Variants in MED23 observed in about 807,000 individuals in gnomAD.
MED23 encodes the protein mediator of RNA polymerase II transcription subunit 23.
In MED23, 105 loss-of-function variants were observed where a neutral mutation model predicts 163.9. That is an observed-to-expected ratio of 0.64 (90% CI 0.55 to 0.75). The LOEUF is 0.75. MED23 is among the 30% of genes least tolerant of loss of function. The pLI is 0.00. For synonymous variants in MED23, 561 were observed against 565.6 expected, an observed-to-expected ratio of 0.99 and a Z score of 0.12; for missense variants, 1,054 against 1,649.0, an observed-to-expected ratio of 0.64 and a Z score of 6.25.
intron 10 of MED23, among the ~76,000 whole-genome samples, chr6:131,612,250 A>G (rs1297339505): frequency 1.3e-5 from 2 of 151,996 alleles, no homozygotes; most frequent in Non-Finnish European, 2.9e-5. Context: ...GACAGCTTAA[A>G]TATGTTGCTT....
intron 5 of MED23, among the ~76,000 whole-genome samples, chr6:131,622,812 C>T (rs550134344): frequency 7.2e-5 from 11 of 152,164 alleles, no homozygotes; most frequent in Admixed American, 3.9e-4. Context: ...TGGTAATTCC[C>T]GGGAAAAGGA....
At position 131,625,979 on chromosome 6, in the gene MED23, G is replaced by C. The variant is rs112951374; in HGVS notation, c.160-990C>G. Among the ~76,000 whole-genome samples the C allele has an allele frequency of 4.0e-5, 6 of 151,694 alleles. No individual in the cohort carries two copies. The East Asian group carries it at 1.2e-3, about 30-fold the overall frequency. ...CTACTAAAAATACAAAAAATGAGCC[G>C]GGCGTGATAGCAGGTGCCTGTAGTC... is the stretch of plus-strand genomic sequence containing the variant. On this transcript the variant is annotated intron_variant, in intron 3 of 28. Transcript: ENST00000368068.
At chr6:131,586,495 G>A (rs1288115948), downstream of MED23, among the ~76,000 whole-genome samples, 1 of 152,122 alleles carries the variant, frequency 6.6e-6, no homozygotes, top group East Asian at 1.9e-4. Flanking sequence ...ATGATTTAGT[G>A]ATGGCAATTA....
rs369629844 is a variant in MED23 at position 131,604,335 on chromosome 6, A to G, written c.1614-15T>C. On this transcript the variant is annotated splice_polypyrimidine_tract_variant and intron_variant, in intron 14 of 28. Coordinates refer to ENST00000368068, the MANE Select transcript of MED23 (RefSeq NM_004830.4). ...TGTGAATAAGGCTGAGGAGAAAAAA[A>G]GGGAAGAAAATAAAAATCCATATTT... is the stretch of plus-strand genomic sequence containing the variant. The G allele has an allele frequency of 1.3e-4, 210 of 1,613,276 alleles. 3 individuals are homozygous for G. In the South Asian group the frequency reaches 2.1e-3, roughly 16 times the overall value.
chr6:131,611,169 T>A (rs1776254038), intron 10 of MED23, among the ~76,000 whole-genome samples: 1 of 152,132 alleles, frequency 6.6e-6, no homozygotes, highest in Admixed American at 6.6e-5. Flanking sequence ...CCCTAAACTT[T>A]AGATGTGATT....
intron 3 of MED23, among the ~76,000 whole-genome samples, chr6:131,626,622 TAAGAG>T (rs1478247775): frequency 6.6e-6 from 1 of 152,122 alleles, no homozygotes; most frequent in Non-Finnish European, 1.5e-5. Context: ...AAATAACAGG[TAAGAG>T]AAGAGAAAGA....
At chr6:131,621,857 G>A (rs766409716) in intron 6 of MED23, 24 bp downstream of exon 6, 7 of 1,541,064 alleles carry the variant, frequency 4.5e-6, no homozygotes, top group African/African-American at 4.1e-5. Context: ...TTATGATCAC[G>A]AATTTCAGAC....
At chr6:131,596,798 C>T in intron 20 of MED23, 110 bp from the exon 21 acceptor site, 1 of 1,039,266 alleles carries the variant, frequency 9.6e-7, no homozygotes, top group South Asian at 1.4e-5. Context: ...ATTATAATTT[C>T]CTTAGACGTC....
chr6:131,607,796 G>A (rs1775969215), intron 12 of MED23, 132 bp downstream of exon 12: 4 of 995,700 alleles, frequency 4.0e-6, no homozygotes, highest in Non-Finnish European at 6.0e-6. Context: ...GAAAGAGCTT[G>A]CTACACTTAA....
chr6:131,574,151 G>T, exon 31 of MED23: 1 of 1,015,696 alleles, frequency 9.8e-7, no homozygotes. Context: ...TGTGCTTAAA[G>T]AGGATAAAAA....
intron 2 of MED23, 79 bp from the exon 3 acceptor site, chr6:131,627,562 A>G: frequency 1.1e-5 from 17 of 1,590,746 alleles, no homozygotes; most frequent in Non-Finnish European, 1.4e-5. Context: ...GGATCTTATA[A>G]CCTTCCAACA....
At chr6:131,586,690 A>C, downstream of MED23, 1 of 1,333,860 alleles carries the variant, frequency 7.5e-7, no homozygotes, top group Non-Finnish European at 9.8e-7. Flanking sequence ...GACCCCAGCC[A>C]GCACACCACC....
rs1476772224 is a variant in MED23 at position 131,593,027 on chromosome 6, A to C, written c.3377T>G (p.Leu1126Arg). ...ATACCTTTTTAGGACAACATTTAGA[A>C]GGGCATTCCCAACTTCTTTGCCTGA... ...AVSGKEVGNALLNVVLKSQPL... is the reference protein window; with the variant it reads ...AVSGKEVGNARLNVVLKSQPL... Residue 1126 changes from leucine to arginine, a missense_variant, in exon 24 of 29, where the codon CTT becomes CGT. Physicochemically the swap from Leu to Arg is moderately radical, Grantham distance 102. This residue lies in a region of MED23 where 362 missense variants were observed against 471.6 expected (regional missense o/e 0.77). Coordinates refer to ENST00000368068, the MANE Select transcript of MED23 (RefSeq NM_004830.4). 6.2e-7 allele frequency: 1 copy of C among 1,614,218 alleles called. No homozygotes were observed. Among genetic ancestry groups the C allele is most frequent in the African/African-American group, 1.3e-5 (1 of 75,066 alleles).
chr6:131,582,831 ATG>A, downstream of MED23: 2 of 873,356 alleles, frequency 2.3e-6, no homozygotes, highest in Non-Finnish European at 3.9e-6. Context: ...ACACACACAC[ATG>A]CCCACACACA....
At chr6:131,578,985 C>A in intron 30 of MED23, 1 of 1,096,498 alleles carries the variant, frequency 9.1e-7, no homozygotes. Flanking sequence ...GATTTACAGA[C>A]CTTTCAGGTT....
At chr6:131,616,726 G>A (rs757437894) in intron 9 of MED23, among the ~76,000 whole-genome samples, 4 of 152,164 alleles carry the variant, frequency 2.6e-5, no homozygotes, top group Non-Finnish European at 4.4e-5. Flanking sequence ...AGGCTGAGGT[G>A]GGGAGGGTCA....
intron 9 of MED23, among the ~76,000 whole-genome samples, chr6:131,617,169 G>C (rs1308183124): frequency 1.3e-5 from 2 of 150,550 alleles, no homozygotes; most frequent in African/African-American, 4.9e-5. Flanking sequence ...CTTCCATGAT[G>C]CTAGATGGTT....
downstream of MED23, among the ~76,000 whole-genome samples, chr6:131,582,326 G>T (rs911734669): frequency 2.6e-5 from 4 of 152,070 alleles, no homozygotes; most frequent in African/African-American, 9.7e-5. Context: ...AGTAAAGAAG[G>T]AAGCTACCAA....
At position 131,598,390 on chromosome 6, in the gene MED23, G is replaced by C; in HGVS notation, c.2504C>G (p.Ser835Cys). The change falls in exon 20 of 29, where the codon TCT (serine) becomes TGT (cysteine). Residue 835 changes from serine (S) to cysteine (C), a missense_variant. Physicochemically the swap from Ser to Cys is moderately radical, Grantham distance 112. Around this residue, in one of 11 missense-constraint regions of MED23, gnomAD observed 228 missense variants for 461.3 expected, o/e 0.49. Transcript: ENST00000368068. This position sits in a 1 kb window ranked among gnomAD's most constrained non-coding sequence, Gnocchi z 4.7. ...GAGTTGCTGACCCCCTGCTGATGTA[G>C]AAAACTCATATACCAGGAAATCTGC... is the stretch of plus-strand genomic sequence containing the variant. ...TFADFLVYEFSTSAGGQQLNK... is the reference protein window; with the variant it reads ...TFADFLVYEFCTSAGGQQLNK... 1 of 1,614,120 alleles carries C rather than the reference G, an allele frequency of 6.2e-7. No homozygotes were observed. Among genetic ancestry groups the C allele is most frequent in the Non-Finnish European group, 8.5e-7 (1 of 1,180,016 alleles).
Sources: gnomAD v4.1 joint callset for allele counts (sites outside exome capture counted in the v4.1 genomes callset) on GRCh38, gnomAD v4.1.1 for gene constraint, gnomAD v4.1.1 regional missense constraint, Gnocchi (gnomAD v3.1) non-coding constraint, MANE v1.5 for transcripts, NCBI Gene and HGNC (gene_info 2026-07-23, HGNC 2026-07-21) for gene names.